Variants in AMBRA1 observed in about 807,000 individuals in gnomAD.
AMBRA1 encodes activating molecule in BECN1-regulated autophagy protein 1.
Under a neutral mutation model 125.4 loss-of-function variants are expected in AMBRA1, and 47 were observed. The ratio of observed to expected loss-of-function variants is 0.37; its 90% CI spans 0.30 to 0.48. AMBRA1 has a LOEUF of 0.48. Among genes scored for constraint, AMBRA1 ranks in the 20% least tolerant of loss-of-function variants. The probability of loss-of-function intolerance (pLI) is 0.99; values close to 1 mark genes in which losing one functional copy is unlikely to be tolerated. For synonymous variants in AMBRA1, 626 were observed against 655.5 expected, an observed-to-expected ratio of 0.95 and a Z score of 0.69; for missense variants, 1,331 against 1,693.4, an observed-to-expected ratio of 0.79 and a Z score of 3.76.
intron 10 of AMBRA1, 139 bp from the exon 11 acceptor site, chr11:46,493,847 G>A: frequency 1.4e-6 from 1 of 691,168 alleles, no homozygotes; most frequent in Non-Finnish European, 2.4e-6. Context: ...TCCCAAGATT[G>A]GTCCTTCCGC....
In AMBRA1 at chr11:46,397,657, T is replaced by C; in HGVS notation, c.3690A>G (p.Thr1230=). 1 of 1,612,876 alleles carries C rather than the reference T, an allele frequency of 6.2e-7. No homozygotes were observed. The highest frequency in any genetic ancestry group is 8.5e-7 in the Non-Finnish European group (1 of 1,179,202). Residue 1230 remains threonine (T), a synonymous_variant, in exon 18 of 18, where the codon ACA becomes ACG. Coordinates refer to ENST00000683756, the MANE Select transcript of AMBRA1 (RefSeq NM_001387011.1). The stretch of plus-strand genomic sequence containing the variant: ...GGGTACCAGGCTGGTCCCAGGAAGC[T>C]GTCCGGGGGCTTAGGCCTCGCTCTG... ...QLAERGLSPR[T]ASWDQPGTPG...
chr11:46,510,195 T>C (rs967549331), intron 8 of AMBRA1, among the ~76,000 whole-genome samples: 3 of 152,230 alleles, frequency 2.0e-5, no homozygotes, highest in Non-Finnish European at 4.4e-5. Context: ...CAAGTAGGCA[T>C]AGGAGGCACA....
At chr11:46,474,339 C>T (rs11038901) in intron 11 of AMBRA1, among the ~76,000 whole-genome samples, 5,653 of 152,076 alleles carry the variant, frequency 0.037, 360 homozygotes, top group African/African-American at 0.13. Flanking sequence ...ATGATCAATA[C>T]GAACAGGTCT....
rs537890980 is a variant in AMBRA1 at position 46,397,322 on chromosome 11, C to A, written c.*128G>T. On this transcript the variant is annotated 3_prime_UTR_variant, in exon 18 of 18. Transcript: ENST00000683756. ...CCACTGACTGATCTTCCTCTCCACC[C>A]TGACCCTCTTCCTCCTCCTGTTCCC... 51 of 1,302,162 alleles carry A rather than the reference C, an allele frequency of 3.9e-5. No homozygotes were observed. In the South Asian group the frequency reaches 1.2e-3, roughly 31 times the overall value. The allele number at this position is 1,302,162 out of a possible 1,614,324, so 80.7% of individuals were successfully genotyped here.
At chr11:46,512,403 C>T (rs553417126) in intron 8 of AMBRA1, among the ~76,000 whole-genome samples, 13 of 152,180 alleles carry the variant, frequency 8.5e-5, no homozygotes, top group African/African-American at 3.1e-4. Flanking sequence ...GTTGGCTGTC[C>T]ATCTGAATGA....
chr11:46,516,413 A>G (rs550189864), intron 7 of AMBRA1, among the ~76,000 whole-genome samples: 13 of 150,754 alleles, frequency 8.6e-5, no homozygotes, highest in Admixed American at 2.6e-4. Context: ...AACCTCAAAG[A>G]AAGATCTTTC....
intron 11 of AMBRA1, among the ~76,000 whole-genome samples, chr11:46,474,039 T>C (rs1037781943): frequency 1.3e-5 from 2 of 152,100 alleles, no homozygotes; most frequent in African/African-American, 2.4e-5. Flanking sequence ...TAGCACATAG[T>C]AGCACTCAAG....
At chr11:46,581,254 C>A (rs1175854103) in intron 1 of AMBRA1, among the ~76,000 whole-genome samples, 1 of 152,042 alleles carries the variant, frequency 6.6e-6, no homozygotes, top group African/African-American at 2.4e-5. Flanking sequence ...AGGTATATCA[C>A]CTGAGGTCAG....
chr11:46,507,668 G>C (rs747459600), intron 9 of AMBRA1, among the ~76,000 whole-genome samples: 17 of 152,162 alleles, frequency 1.1e-4, no homozygotes, highest in Non-Finnish European at 2.5e-4. Context: ...TGGGGGGTAA[G>C]AGTAGGGAGA....
intron 1 of AMBRA1, among the ~76,000 whole-genome samples, chr11:46,558,548 CAAAAAAAAAAA>C (rs58748629): frequency 0.012 from 455 of 38,764 alleles, 8 homozygotes; most frequent in African/African-American, 0.035. Context: ...GACTCCCTCT[CAAAAAAAAAAA>C]AAAAAAAAAA....
chr11:46,468,375 TGAAAAAAAA>T (rs1949420623), intron 11 of AMBRA1, among the ~76,000 whole-genome samples: 1 of 151,348 alleles, frequency 6.6e-6, no homozygotes, highest in Non-Finnish European at 1.5e-5. Flanking sequence ...CCTCATCTCT[TGAAAAAAAA>T]GAAAAAAGAA....
intron 4 of AMBRA1, 171 bp downstream of exon 4, chr11:46,546,942 A>G (rs1195725150): frequency 8.8e-6 from 5 of 570,630 alleles, no homozygotes; most frequent in Non-Finnish European, 1.5e-5. Context: ...ATGATGGCAC[A>G]TGCCTGTAAT....
intron 1 of AMBRA1, among the ~76,000 whole-genome samples, chr11:46,585,622 C>T (rs139362284): frequency 0.21 from 22,970 of 106,852 alleles, 3,087 homozygotes; most frequent in African/African-American, 0.37. Context: ...GCTGAGATCA[C>T]GCCACTGCAC....
intron 12 of AMBRA1, among the ~76,000 whole-genome samples, chr11:46,436,935 A>G (rs1429187073): frequency 6.6e-6 from 1 of 152,222 alleles, no homozygotes; most frequent in African/African-American, 2.4e-5. Context: ...GGGCTTTAAG[A>G]CAGCTTTGAA....
rs563500778 is a variant in AMBRA1, at chr11:46,547,955, C to T, written c.136-80G>A. 899 of 1,476,712 alleles carry T rather than the reference C, an allele frequency of 6.1e-4. 2 individuals carry two copies. Among genetic ancestry groups the T allele is most frequent in the Non-Finnish European group, 7.7e-4 (833 of 1,083,830 alleles). 91.5% of individuals were successfully genotyped at this position (1,476,712 alleles called of 1,614,324 possible). A position where few individuals can be genotyped will look rare whatever the true frequency, so the allele number is the denominator to read the frequency against. On this transcript the variant is annotated intron_variant, in intron 2 of 17. Transcript: ENST00000683756. ...CACCGTATCTCAAAAGCACATTAAC[C>T]ATTCTAGATTAGCATTCACAGTGTA...
At chr11:46,579,472 T>C (rs898989297) in intron 1 of AMBRA1, among the ~76,000 whole-genome samples, 1 of 151,930 alleles carries the variant, frequency 6.6e-6, no homozygotes, top group Non-Finnish European at 1.5e-5. Flanking sequence ...AATAAATAAA[T>C]TAAGTAAGTA....
intron 12 of AMBRA1, among the ~76,000 whole-genome samples, chr11:46,441,268 C>T (rs1947988142): frequency 6.6e-6 from 1 of 152,104 alleles, no homozygotes; most frequent in African/African-American, 2.4e-5. Flanking sequence ...AATCCCAGCA[C>T]TTTGGGAGGC....
intron 11 of AMBRA1, among the ~76,000 whole-genome samples, chr11:46,477,903 C>T (rs1949890241): frequency 6.6e-6 from 1 of 151,852 alleles, no homozygotes; most frequent in South Asian, 2.1e-4. Flanking sequence ...TGGCGAAACC[C>T]CATCTCTACT....
chr11:46,445,786 AC>A lies in AMBRA1; in HGVS notation c.2522-2189del, dbSNP rs1457831582. Among the ~76,000 whole-genome samples the A allele has an allele frequency of 2.0e-5, 3 of 152,236 alleles. No homozygotes were observed. The East Asian group carries it at 5.8e-4, about 29-fold the overall frequency. The stretch of plus-strand genomic sequence containing the variant: ...TTATCATTTTCTCCAGCTTTTAACA[AC>A]CCCAAATGATAGAAGGTAAGTTGAT... On this transcript the variant is annotated intron_variant, in intron 11 of 17. Transcript: ENST00000683756.
Sources: allele counts gnomAD v4.1 joint callset (sites outside exome capture counted in the v4.1 genomes callset), GRCh38; gene constraint gnomAD v4.1.1; transcripts MANE v1.5; gene names NCBI Gene and HGNC (gene_info 2026-07-23, HGNC 2026-07-21).